ENKUR: variants seen among roughly 807,000 people sequenced by gnomAD.
ENKUR encodes enkurin.
Under a neutral mutation model 27.6 loss-of-function variants are expected in ENKUR, and 19 were observed. The observed-to-expected ratio is 0.69, with a 90% confidence interval of 0.48 to 1.01. The LOEUF (loss-of-function observed/expected upper bound fraction) is 1.01. Ranked by LOEUF, ENKUR falls within the 50% of genes least tolerant of loss-of-function variation. The pLI, the probability that ENKUR is intolerant of heterozygous loss-of-function variation, is 0.00. For missense variants in ENKUR, 312 were observed against 310.5 expected (o/e 1.00, Z -0.04); for synonymous variants, 117 against 96.9 (o/e 1.21, Z -1.22).
intron 1 of ENKUR, among the ~76,000 whole-genome samples, chr10:25,002,365 A>G (rs1850208771): frequency 6.6e-6 from 1 of 152,174 alleles, no homozygotes; most frequent in Admixed American, 6.5e-5. Flanking sequence ...CTGTGCTGTG[A>G]ATTCTAGCAG....
intron 2 of ENKUR, among the ~76,000 whole-genome samples, chr10:25,036,748 C>T (rs1020837838): frequency 6.6e-6 from 1 of 152,186 alleles, no homozygotes; most frequent in African/African-American, 2.4e-5. Flanking sequence ...TTTTAGCCTT[C>T]TCATTCCTAG....
chr10:25,020,905 T>C (rs770276801), upstream of ENKUR, among the ~76,000 whole-genome samples: 40 of 152,204 alleles, frequency 2.6e-4, no homozygotes, highest in Non-Finnish European at 5.6e-4. Context: ...GACTGTTTTA[T>C]GTAAGTGCCC....
At chr10:25,039,627 CT>C (rs1851040063) in intron 2 of ENKUR, among the ~76,000 whole-genome samples, 5 of 152,114 alleles carry the variant, frequency 3.3e-5, no homozygotes, top group African/African-American at 1.2e-4. Flanking sequence ...TCTGACATTG[CT>C]TATTATCTAG....
In ENKUR at chr10:24,999,389, G is replaced by T; in HGVS notation, c.223+12C>A. 6.3e-7 allele frequency: 1 copy of T among 1,589,212 alleles called. No homozygotes were observed. Among genetic ancestry groups the T allele is most frequent in the Non-Finnish European group, 8.5e-7 (1 of 1,172,972 alleles). On this transcript the variant is annotated intron_variant, in intron 2 of 5. Transcript: ENST00000331161. The stretch of plus-strand genomic sequence containing the variant: ...GCTTTTAATATTAAAAATAAAGCAT[G>T]ATAAAACCTACTGGGTGGTAGAGTT...
At chr10:25,012,590 A>G (rs749578263) in intron 1 of ENKUR, among the ~76,000 whole-genome samples, 10 of 152,208 alleles carry the variant, frequency 6.6e-5, no homozygotes, top group Non-Finnish European at 1.5e-4. Context: ...TGACTGCCCT[A>G]TTAGAATCTG....
chr10:25,052,177 G>A lies in ENKUR; in HGVS notation c.37+8935C>T, dbSNP rs188244837. Reference sequence around the variant, plus strand: ...CTCACTGTATAATATCTGTGGGAGAGTCTAATAAGTGAGAAATGATTACCT... The same window carrying A: ...CTCACTGTATAATATCTGTGGGAGAATCTAATAAGTGAGAAATGATTACCT... On this transcript the variant is annotated intron_variant, in intron 2 of 5. Coordinates refer to the ENKUR transcript ENST00000615958. Among the ~76,000 whole-genome samples the A allele has an allele frequency of 1.4e-3, 207 of 152,230 alleles. 3 individuals carry two copies. The highest frequency in any genetic ancestry group is 4.8e-3 in the African/African-American group (201 of 41,536).
At chr10:25,009,701 G>A (rs1850395747) in intron 1 of ENKUR, among the ~76,000 whole-genome samples, 1 of 152,114 alleles carries the variant, frequency 6.6e-6, no homozygotes, top group Admixed American at 6.5e-5. Context: ...GGGACCCAGT[G>A]GGAGGTAAGT....
At chr10:25,036,366 C>A (rs1453531972) in intron 2 of ENKUR, among the ~76,000 whole-genome samples, 1 of 152,182 alleles carries the variant, frequency 6.6e-6, no homozygotes, top group South Asian at 2.1e-4. Flanking sequence ...TATGAGGCTT[C>A]CCAAGCCACG....
At chr10:25,055,430 C>T (rs1163069854) in intron 2 of ENKUR, among the ~76,000 whole-genome samples, 1 of 151,286 alleles carries the variant, frequency 6.6e-6, no homozygotes, top group African/African-American at 2.4e-5. Context: ...AGCCTTAACC[C>T]AATGCTCTGT....
intron 1 of ENKUR, among the ~76,000 whole-genome samples, chr10:25,014,882 T>C (rs1429170642): frequency 6.6e-6 from 1 of 152,162 alleles, no homozygotes; most frequent in African/African-American, 2.4e-5. Flanking sequence ...CTAGTAAAAA[T>C]AATTGACCAT....
intron 2 of ENKUR, chr10:25,024,303 T>C: frequency 6.2e-7 from 1 of 1,614,218 alleles, no homozygotes; most frequent in Non-Finnish European, 8.5e-7. Flanking sequence ...TTATGCCTCA[T>C]ATTTTTGCAC....
chr10:25,020,268 C>T (rs1205443853), upstream of ENKUR, among the ~76,000 whole-genome samples: 4 of 137,274 alleles, frequency 2.9e-5, no homozygotes, highest in Non-Finnish European at 6.4e-5. Flanking sequence ...ATATCTATAT[C>T]TATATCTATA....
chr10:25,048,047 C>T (rs1198983961), intron 2 of ENKUR, among the ~76,000 whole-genome samples: 2 of 152,168 alleles, frequency 1.3e-5, no homozygotes, highest in East Asian at 3.9e-4. Flanking sequence ...CTAATCTCTA[C>T]ACCACAGAGA....
chr10:25,044,743 C>G (rs1851103962), intron 2 of ENKUR, among the ~76,000 whole-genome samples: 1 of 152,202 alleles, frequency 6.6e-6, no homozygotes, highest in Non-Finnish European at 1.5e-5. Flanking sequence ...TATGCAGATG[C>G]TAAAAGCTCT....
intron 1 of ENKUR, among the ~76,000 whole-genome samples, chr10:25,013,739 T>C (rs1033371894): frequency 6.6e-6 from 1 of 151,350 alleles, no homozygotes; most frequent in Non-Finnish European, 1.5e-5. Context: ...GGTCAGGAGG[T>C]CAAGACCAGC....
chr10:24,990,560 T>G lies in ENKUR; in HGVS notation c.497A>C (p.Lys166Thr). 6.2e-7 allele frequency: 1 copy of G among 1,613,692 alleles called. No homozygotes were observed. The highest frequency in any genetic ancestry group is 2.2e-5 in the East Asian group (1 of 44,870). The change falls in exon 4 of 6, where the codon AAG becomes ACG. Residue 166 changes from lysine (K) to threonine (T), a missense_variant. Lys to Thr is a moderately conservative substitution (Grantham distance 78). Transcript: ENST00000331161. ...ACGATCATAGTCTTCTTGGGCTTTCTTTATTTCCTCGTTTCGCTTACATAT... is the reference window on the plus strand; with the variant it reads ...ACGATCATAGTCTTCTTGGGCTTTCGTTATTTCCTCGTTTCGCTTACATAT... ...EYICKRNEEI[K>T]KAQEDYDRYI...
chr10:25,032,064 C>T (rs1318628342), intron 2 of ENKUR, among the ~76,000 whole-genome samples: 1 of 152,154 alleles, frequency 6.6e-6, no homozygotes. Context: ...TGGTCTCTGT[C>T]TTTCCTATTG....
At chr10:25,015,810 G>T (rs774187690) in intron 1 of ENKUR, 50 bp downstream of exon 1, 12 of 1,512,364 alleles carry the variant, frequency 7.9e-6, no homozygotes, top group African/African-American at 1.4e-5. Flanking sequence ...AATTAATACT[G>T]AGTATTCCCC....
Position 24,990,519 on chromosome 10 carries a change from G to C in ENKUR, c.538C>G (p.Leu180Val). The change falls in exon 4 of 6, where the codon CTT becomes GTT. Residue 180 changes from leucine (L) to valine (V), a missense_variant. Coordinates refer to ENST00000331161, the MANE Select transcript of ENKUR (RefSeq NM_145010.4). ...AGCCTTTTCATAGCTGCTTTCTTAA[G>C]GTTTTCCTGGATATAACGATCATAG... ...EDYDRYIQEN[L>V]KKAAMKRLSD... The C allele has an allele frequency of 1.9e-6, 3 of 1,613,912 alleles. No homozygotes were observed. The highest frequency in any genetic ancestry group is 1.7e-6 in the Non-Finnish European group (2 of 1,179,950).
Sources: gnomAD v4.1 joint callset for allele counts (sites outside exome capture counted in the v4.1 genomes callset) on GRCh38, gnomAD v4.1.1 for gene constraint, MANE v1.5 for transcripts, NCBI Gene and HGNC (gene_info 2026-07-23, HGNC 2026-07-21) for gene names.